The following SORCS3 variants were observed in gnomAD, a reference collection of about 807,000 sequenced individuals.
The protein encoded by SORCS3 is sortilin related VPS10 domain containing receptor 3.
In SORCS3, 57 loss-of-function variants were observed where a neutral mutation model predicts 146.3. The observed-to-expected ratio is 0.39, with a 90% CI of 0.31 to 0.49. The LOEUF (loss-of-function observed/expected upper bound fraction) is 0.49, where lower values mean the gene tolerates loss of function less well. Among genes scored for constraint, SORCS3 ranks in the 20% least tolerant of loss-of-function variants. SORCS3 has a pLI of 0.92. For synonymous variants in SORCS3, 653 were observed against 618.5 expected (o/e 1.06, Z -0.83); for missense variants, 1,341 against 1,575.5 (o/e 0.85, Z 2.52).
chr10:104,908,476 T>C (rs968988458), intron 2 of SORCS3, among the ~76,000 whole-genome samples: 5 of 152,328 alleles, frequency 3.3e-5, no homozygotes, highest in African/African-American at 1.2e-4. Context: ...AGGTATCTTA[T>C]TACTCTTCAT....
In SORCS3 at chr10:105,147,801, G is replaced by A. The variant is rs1442313133; in HGVS notation, c.1482+5G>A. 2 of 1,606,900 alleles carry A rather than the reference G, an allele frequency of 1.2e-6. No individual in the cohort carries two copies. The highest frequency in any genetic ancestry group is 1.7e-6 in the Non-Finnish European group (2 of 1,175,934). Reference sequence around the variant, plus strand: ...ATCATTATTGAATTGTATGAGGTATGTAGCCAAAATTCTCCTTCCCTTGGG... The same window carrying A: ...ATCATTATTGAATTGTATGAGGTATATAGCCAAAATTCTCCTTCCCTTGGG... On this transcript the variant is annotated splice_donor_5th_base_variant and intron_variant, in intron 9 of 26. Coordinates refer to ENST00000369701, the MANE Select transcript of SORCS3 (RefSeq NM_014978.3).
At chr10:104,757,365 C>A (rs2017066193) in intron 1 of SORCS3, among the ~76,000 whole-genome samples, 1 of 152,238 alleles carries the variant, frequency 6.6e-6, no homozygotes, top group Non-Finnish European at 1.5e-5. Flanking sequence ...GTCCTCAGTG[C>A]ATCCTGAGTC....
chr10:104,882,670 A>G (rs773895661), intron 2 of SORCS3, among the ~76,000 whole-genome samples: 48 of 152,244 alleles, frequency 3.2e-4, no homozygotes, highest in Non-Finnish European at 5.3e-4. Flanking sequence ...GGCCACTCCT[A>G]TACCCATAAC....
chr10:105,152,851 G>A (rs1323988150), intron 9 of SORCS3, among the ~76,000 whole-genome samples: 1 of 152,112 alleles, frequency 6.6e-6, no homozygotes, highest in African/African-American at 2.4e-5. Context: ...GAATTTAGTG[G>A]CTTGGCTCTG....
chr10:104,963,209 T>G (rs1237800072), intron 3 of SORCS3, among the ~76,000 whole-genome samples: 4 of 152,206 alleles, frequency 2.6e-5, no homozygotes, highest in Admixed American at 6.5e-5. Context: ...GTTAAAGTTA[T>G]GAATATTTAT....
intron 1 of SORCS3, among the ~76,000 whole-genome samples, chr10:104,842,280 A>G (rs1012525511): frequency 6.6e-6 from 1 of 152,232 alleles, no homozygotes; most frequent in South Asian, 2.1e-4. Context: ...GCCTGTCTGC[A>G]TTCAGGTATT....
At chr10:105,148,408 T>C (rs1368559678) in intron 9 of SORCS3, among the ~76,000 whole-genome samples, 1 of 152,136 alleles carries the variant, frequency 6.6e-6, no homozygotes, top group Non-Finnish European at 1.5e-5. Context: ...AGTGACTCCA[T>C]GTAGTAACTG....
At chr10:104,842,568 A>G (rs112600611) in intron 1 of SORCS3, among the ~76,000 whole-genome samples, 1 of 152,324 alleles carries the variant, frequency 6.6e-6, no homozygotes, top group African/African-American at 2.4e-5. Flanking sequence ...AAATGCAAGC[A>G]CTGTCAGGAT....
At chr10:104,854,957 C>T (rs1378270326) in intron 2 of SORCS3, among the ~76,000 whole-genome samples, 3 of 152,096 alleles carry the variant, frequency 2.0e-5, no homozygotes, top group African/African-American at 7.2e-5. Context: ...TAACCATTTA[C>T]CTGTTGAAGG....
chr10:104,879,194 G>A (rs2018606976), intron 2 of SORCS3, among the ~76,000 whole-genome samples: 1 of 152,230 alleles, frequency 6.6e-6, no homozygotes, highest in African/African-American at 2.4e-5. Flanking sequence ...AGTTTTGTAA[G>A]TTAGAAGTCC....
At chr10:105,250,449 A>G (rs976070286) in intron 22 of SORCS3, among the ~76,000 whole-genome samples, 1 of 152,130 alleles carries the variant, frequency 6.6e-6, no homozygotes, top group Non-Finnish European at 1.5e-5. Flanking sequence ...TCAGACCTCA[A>G]ATCTCACAAG....
intron 3 of SORCS3, among the ~76,000 whole-genome samples, chr10:104,971,200 A>C (rs958808546): frequency 3.3e-5 from 5 of 152,228 alleles, no homozygotes; most frequent in Non-Finnish European, 7.3e-5. Flanking sequence ...TGTCAGAATC[A>C]GATTTATATT....
At chr10:105,244,275 AT>A (rs200283537) in intron 20 of SORCS3, among the ~76,000 whole-genome samples, 257 of 148,828 alleles carry the variant, frequency 1.7e-3, no homozygotes, top group Admixed American at 2.5e-3. Context: ...GGAAAAAAAA[AT>A]ATATATATAT....
intron 2 of SORCS3, among the ~76,000 whole-genome samples, chr10:104,858,690 C>G (rs10786832): frequency 1.3e-5 from 2 of 149,320 alleles, no homozygotes; most frequent in Non-Finnish European, 3.0e-5. Context: ...GGTGTGATCT[C>G]GGCTCACTGA....
chr10:104,821,062 G>C (rs117213127), intron 1 of SORCS3, among the ~76,000 whole-genome samples: 1 of 152,166 alleles, frequency 6.6e-6, no homozygotes, highest in Non-Finnish European at 1.5e-5. Context: ...TGATGATGTC[G>C]TCAAAGACTT....
intron 3 of SORCS3, among the ~76,000 whole-genome samples, chr10:104,965,082 G>A (rs980699441): frequency 2.6e-5 from 4 of 152,140 alleles, no homozygotes; most frequent in African/African-American, 4.8e-5. Flanking sequence ...CCATTGTAGT[G>A]TATACCACAT....
intron 4 of SORCS3, 135 bp from the exon 5 acceptor site, chr10:105,042,919 CT>C: frequency 1.4e-6 from 1 of 712,224 alleles, no homozygotes. Flanking sequence ...ATATTCCTAC[CT>C]TTTTATCTGG....
At chr10:104,914,328 C>T (rs535222644) in intron 2 of SORCS3, among the ~76,000 whole-genome samples, 3 of 152,138 alleles carry the variant, frequency 2.0e-5, no homozygotes. Flanking sequence ...TACAGTGTGC[C>T]TTGGGTGCCT....
intron 1 of SORCS3, among the ~76,000 whole-genome samples, chr10:104,827,014 C>T (rs2017944386): frequency 6.6e-6 from 1 of 152,212 alleles, no homozygotes; most frequent in Non-Finnish European, 1.5e-5. Context: ...GAAATTCAGA[C>T]ACATCTTCAG....
Sources: allele counts gnomAD v4.1 joint callset (sites outside exome capture counted in the v4.1 genomes callset), GRCh38; gene constraint gnomAD v4.1.1; transcripts MANE v1.5; gene names NCBI Gene and HGNC (gene_info 2026-07-23, HGNC 2026-07-21).